Variants in BRINP3 observed in about 807,000 individuals in gnomAD.
The protein encoded by BRINP3 is BMP/retinoic acid inducible neural specific 3, also known as BMP/retinoic acid-inducible neural-specific protein 3.
Under a neutral mutation model 71.0 loss-of-function variants are expected in BRINP3, and 19 were observed. The ratio of observed to expected loss-of-function variants is 0.27; its 90% confidence interval spans 0.19 to 0.39. BRINP3 has a LOEUF of 0.39. Among genes scored for constraint, BRINP3 ranks in the 10% least tolerant of loss-of-function variants. BRINP3 has a pLI of 1.00. For synonymous variants in BRINP3, 380 were observed against 337.7 expected, an observed-to-expected ratio of 1.13 and a Z score of -1.37; for missense variants, 959 against 940.8, an observed-to-expected ratio of 1.02 and a Z score of -0.25.
intron 6 of BRINP3, among the ~76,000 whole-genome samples, chr1:190,162,910 C>T (rs1651140761): frequency 6.6e-6 from 1 of 152,036 alleles, no homozygotes; most frequent in Non-Finnish European, 1.5e-5. Flanking sequence ...ATTTACTGAA[C>T]ACCTGTTGTG....
intron 2 of BRINP3, among the ~76,000 whole-genome samples, chr1:190,286,984 T>A (rs999509375): frequency 1.3e-5 from 2 of 151,470 alleles, no homozygotes; most frequent in Non-Finnish European, 2.9e-5. Context: ...TTTGGGAGGC[T>A]GAGGCGGACG....
intron 6 of BRINP3, among the ~76,000 whole-genome samples, chr1:190,196,989 C>T (rs1277908338): frequency 6.6e-6 from 1 of 151,286 alleles, no homozygotes; most frequent in African/African-American, 2.4e-5. Flanking sequence ...AGTCTGTTCT[C>T]ATGCCACTAA....
chr1:190,358,402 C>T (rs1668887795), intron 2 of BRINP3, among the ~76,000 whole-genome samples: 1 of 152,092 alleles, frequency 6.6e-6, no homozygotes, highest in Non-Finnish European at 1.5e-5. Flanking sequence ...CCAACAGACA[C>T]ATGAAAAAAT....
At chr1:190,186,705 A>G (rs1395126798) in intron 6 of BRINP3, among the ~76,000 whole-genome samples, 21 of 152,092 alleles carry the variant, frequency 1.4e-4, no homozygotes, top group Admixed American at 1.4e-3. Context: ...GGTTAATTAA[A>G]CTCAGTTTAC....
intron 6 of BRINP3, among the ~76,000 whole-genome samples, chr1:190,205,728 C>T (rs1655437585): frequency 6.6e-6 from 1 of 152,000 alleles, no homozygotes; most frequent in Admixed American, 6.6e-5. Flanking sequence ...GAAAATGATA[C>T]AAAAGGCCAA....
At chr1:190,219,949 T>C (rs910115027) in intron 6 of BRINP3, among the ~76,000 whole-genome samples, 1 of 151,480 alleles carries the variant, frequency 6.6e-6, no homozygotes, top group Admixed American at 6.6e-5. Context: ...AAAGACCACC[T>C]ATAAGATACA....
chr1:190,230,020 A>G (rs1350843017), intron 5 of BRINP3, among the ~76,000 whole-genome samples: 1 of 152,040 alleles, frequency 6.6e-6, no homozygotes, highest in Non-Finnish European at 1.5e-5. Flanking sequence ...ATAAAAATGC[A>G]TAATTTGAAA....
chr1:190,438,178 T>C (rs10800941), intron 2 of BRINP3, among the ~76,000 whole-genome samples: 22,675 of 151,332 alleles, frequency 0.15, 1,843 homozygotes, highest in South Asian at 0.21. Context: ...CAAAAGTTAC[T>C]ATAGAATCAT....
chr1:190,445,819 G>A (rs1397651612), intron 2 of BRINP3, among the ~76,000 whole-genome samples: 1 of 152,054 alleles, frequency 6.6e-6, no homozygotes, highest in Non-Finnish European at 1.5e-5. Context: ...TAGAGTGCTT[G>A]GCAAAATGGG....
chr1:190,242,572 T>C (rs1439377486), intron 4 of BRINP3, among the ~76,000 whole-genome samples: 1 of 152,116 alleles, frequency 6.6e-6, no homozygotes, highest in Non-Finnish European at 1.5e-5. Context: ...CTGACAACTA[T>C]ATTCTCTAAT....
chr1:190,411,850 CT>C (rs1205570155), intron 2 of BRINP3, among the ~76,000 whole-genome samples: 3 of 152,024 alleles, frequency 2.0e-5, no homozygotes, highest in African/African-American at 7.3e-5. Context: ...AAGCTAAATC[CT>C]AAGAGCTTGA....
chr1:190,427,304 A>C (rs750689635), intron 2 of BRINP3, among the ~76,000 whole-genome samples: 1 of 151,896 alleles, frequency 6.6e-6, no homozygotes, highest in African/African-American at 2.4e-5. Context: ...TGAATTTTAA[A>C]CTCTTTTAAA....
intron 1 of BRINP3, chr1:190,474,369 A>G (rs950289325): frequency 3.3e-5 from 5 of 152,654 alleles, no homozygotes; most frequent in African/African-American, 1.2e-4. Flanking sequence ...AGTAAAACAC[A>G]AGTTATATGA....
chr1:190,306,158 GAT>G (rs1478730476), intron 2 of BRINP3, among the ~76,000 whole-genome samples: 1 of 151,504 alleles, frequency 6.6e-6, no homozygotes, highest in African/African-American at 2.4e-5. Context: ...TTGTAGAGAT[GAT>G]AAAACAAAGA....
In BRINP3 at chr1:190,454,733, G is replaced by C. The variant is rs759881549; in HGVS notation, c.158C>G (p.Pro53Arg). Residue 53 changes from proline to arginine, a missense_variant, in exon 2 of 8, where the codon CCC becomes CGC. Pro to Arg is a moderately radical substitution (Grantham distance 103). Transcript: ENST00000367462. The part of the protein sequence containing the change: ...PFDWLLSDKG[P>R]FHRSQEYTDF... ...TGTGTATTCCTGTGAGCGATGGAAG[G>C]GTCCCTTATCAGAGAGGAGCCAGTC... is the stretch of plus-strand genomic sequence containing the variant. 6.2e-7 allele frequency: 1 copy of C among 1,614,100 alleles called. No homozygotes were observed. The highest frequency in any genetic ancestry group is 8.5e-7 in the Non-Finnish European group (1 of 1,180,026).
intron 2 of BRINP3, among the ~76,000 whole-genome samples, chr1:190,370,300 G>A (rs1669777903): frequency 6.6e-6 from 1 of 152,014 alleles, no homozygotes; most frequent in South Asian, 2.1e-4. Flanking sequence ...AGAAACAGAA[G>A]ATATTTGTAA....
At chr1:190,115,795 T>C (rs1653083832) in intron 7 of BRINP3, among the ~76,000 whole-genome samples, 1 of 152,146 alleles carries the variant, frequency 6.6e-6, no homozygotes, top group South Asian at 2.1e-4. Flanking sequence ...AGCTCTACCA[T>C]GTGATTACAT....
chr1:190,114,234 C>T (rs1357517852), intron 7 of BRINP3, among the ~76,000 whole-genome samples: 1 of 152,130 alleles, frequency 6.6e-6, no homozygotes, highest in Non-Finnish European at 1.5e-5. Context: ...TGCCTTCTGC[C>T]ACGATTGTGA....
intron 2 of BRINP3, among the ~76,000 whole-genome samples, chr1:190,282,985 G>A (rs963802227): frequency 9.9e-5 from 15 of 151,966 alleles, no homozygotes; most frequent in African/African-American, 3.6e-4. Context: ...GAAAAGGACT[G>A]AAGCAGAATA....
Sources: allele counts gnomAD v4.1 joint callset (sites outside exome capture counted in the v4.1 genomes callset), GRCh38; gene constraint gnomAD v4.1.1; transcripts MANE v1.5; gene names NCBI Gene and HGNC (gene_info 2026-07-23, HGNC 2026-07-21).